Variants in COPS7B observed in about 807,000 individuals in gnomAD.
The protein encoded by COPS7B is COP9 signalosome subunit 7B, also known as COP9 signalosome complex subunit 7b.
In COPS7B, 9 loss-of-function variants were observed where a neutral mutation model predicts 33.4. That is an observed-to-expected ratio of 0.27 (90% CI 0.16 to 0.47). The LOEUF (loss-of-function observed/expected upper bound fraction) is 0.47, where lower values mean the gene tolerates loss of function less well. Ranked by LOEUF, COPS7B falls within the 20% of genes least tolerant of loss-of-function variation. The pLI is 0.99. For missense variants in COPS7B, 242 were observed against 318.2 expected (o/e 0.76, Z 1.82); for synonymous variants, 119 against 126.3 (o/e 0.94, Z 0.39).
At chr2:231,796,456 A>G (rs992200730) in intron 5 of COPS7B, 148 bp downstream of exon 5, 2 of 656,640 alleles carry the variant, frequency 3.0e-6, no homozygotes, top group Non-Finnish European at 5.3e-6. Flanking sequence ...GTGGAGCTAC[A>G]TTTGTGATCA....
chr2:231,803,514 A>T (rs1005007252), intron 6 of COPS7B, among the ~76,000 whole-genome samples: 1 of 152,200 alleles, frequency 6.6e-6, no homozygotes, highest in Non-Finnish European at 1.5e-5. Context: ...CCCCTAAAAA[A>T]GCTGAATGAG....
At chr2:231,795,485 AC>A (rs1319700162) in intron 4 of COPS7B, among the ~76,000 whole-genome samples, 5 of 152,232 alleles carry the variant, frequency 3.3e-5, no homozygotes, top group Admixed American at 3.3e-4. Context: ...TGAGGACCTG[AC>A]CTTTTTTCTT....
At chr2:231,798,437 A>G (rs781572124) in intron 5 of COPS7B, among the ~76,000 whole-genome samples, 63 of 151,540 alleles carry the variant, frequency 4.2e-4, no homozygotes, top group Non-Finnish European at 7.5e-4. Context: ...TTGTATTTTT[A>G]GTAGAGATGG....
intron 6 of COPS7B, chr2:231,801,239 A>G: frequency 1.3e-6 from 2 of 1,550,264 alleles, no homozygotes; most frequent in Non-Finnish European, 1.7e-6. Context: ...CCTCCTTCTT[A>G]ATGAAGTCAG....
chr2:231,807,505 A>G lies in COPS7B; in HGVS notation c.655A>G (p.Thr219Ala), dbSNP rs1437541278. 3.7e-6 allele frequency: 6 copies of G among 1,612,698 alleles called. No individual in the cohort carries two copies. The highest frequency in any genetic ancestry group is 1.7e-4 in the Middle Eastern group (1 of 6,050). The change falls in exon 7 of 7, where the codon ACA becomes GCA. Residue 219 changes from threonine to alanine, a missense_variant. Physicochemically the swap from Thr to Ala is moderately conservative, Grantham distance 58 (BLOSUM62 0). Coordinates refer to ENST00000350033, the MANE Select transcript of COPS7B (RefSeq NM_022730.4). ...CCACCAGGTTACCAACATCAAGAAG[A>G]CACTCAAAGCCACCGCATCCTCCTC... ...VEAEVTNIKKTLKATASSSAQ... is the reference protein window; with the variant it reads ...VEAEVTNIKKALKATASSSAQ...
Position 231,791,819 on chromosome 2 carries a change from G to T in COPS7B, c.238+11G>T. On this transcript the variant is annotated intron_variant, in intron 3 of 6. Coordinates refer to ENST00000350033, the MANE Select transcript of COPS7B (RefSeq NM_022730.4). ...ACCCAGATTACATAGGTGAGTTGGTGAAGATCCTTCAAAAGACTTGTGTTA... is the reference window on the plus strand; with the variant it reads ...ACCCAGATTACATAGGTGAGTTGGTTAAGATCCTTCAAAAGACTTGTGTTA... The T allele has an allele frequency of 6.2e-7, 1 of 1,609,692 alleles. No homozygotes were observed. The highest frequency in any genetic ancestry group is 8.5e-7 in the Non-Finnish European group (1 of 1,175,952).
chr2:231,794,698 C>G (rs1574662984), intron 4 of COPS7B, among the ~76,000 whole-genome samples: 1 of 152,186 alleles, frequency 6.6e-6, no homozygotes, highest in Non-Finnish European at 1.5e-5. Context: ...TTGCTCAGTA[C>G]ACAGTGAACT....
intron 1 of COPS7B, among the ~76,000 whole-genome samples, chr2:231,787,700 T>A (rs2049291708): frequency 6.6e-6 from 1 of 152,230 alleles, no homozygotes; most frequent in Non-Finnish European, 1.5e-5. Context: ...ATATCGCTAC[T>A]TTTCTTTCAA....
chr2:231,803,816 A>G (rs866134158), intron 6 of COPS7B, among the ~76,000 whole-genome samples: 26 of 152,304 alleles, frequency 1.7e-4, no homozygotes, highest in Middle Eastern at 3.4e-3. Context: ...TCTGTGAAGG[A>G]GAAGCATTGG....
At position 231,805,441 on chromosome 2, in the gene COPS7B, A is replaced by T. The variant is rs1011151355; in HGVS notation, c.637-2046A>T. Among the ~76,000 whole-genome samples the T allele has an allele frequency of 8.1e-4, 96 of 118,290 alleles. 1 individual carries two copies. The highest frequency in any genetic ancestry group is 2.4e-3 in the Admixed American group (23 of 9,754). 77.6% of individuals were successfully genotyped at this position (118,290 alleles called of 152,430 possible). Reference sequence around the variant, plus strand: ...TATATATATATATATATTTTTTTTTAAATTTTATATATATATATATATATA... The same window carrying T: ...TATATATATATATATATTTTTTTTTTAATTTTATATATATATATATATATA... On this transcript the variant is annotated intron_variant, in intron 6 of 6. Coordinates refer to ENST00000350033, the MANE Select transcript of COPS7B (RefSeq NM_022730.4).
upstream of COPS7B, among the ~76,000 whole-genome samples, chr2:231,782,137 GCCACAGATCA>G (rs1331479098): frequency 6.6e-6 from 1 of 152,188 alleles, no homozygotes; most frequent in Non-Finnish European, 1.5e-5. Flanking sequence ...GAAGGGATTG[GCCACAGATCA>G]CAGCAAGTTC....
In COPS7B at chr2:231,799,116, A is replaced by T. The variant is rs961238720; in HGVS notation, c.636+152A>T. On this transcript the variant is annotated intron_variant, in intron 6 of 6. Transcript: ENST00000350033. ...GGCTAGGTGCTGGGTTACAGGGATG[A>T]GTGTGACACGGCTCCTGCTCTTGGT... The T allele has an allele frequency of 4.6e-6, 3 of 655,762 alleles. No homozygotes were observed. The African/African-American group carries it at 5.4e-5, about 12-fold the overall frequency. The allele number at this position is 655,762 out of a possible 1,614,324, so 40.6% of individuals were successfully genotyped here.
intron 5 of COPS7B, among the ~76,000 whole-genome samples, chr2:231,797,897 G>A (rs1465335849): frequency 6.6e-6 from 1 of 152,156 alleles, no homozygotes; most frequent in Non-Finnish European, 1.5e-5. Flanking sequence ...TTTTTTGTTT[G>A]TTGTTTTTTG....
intron 4 of COPS7B, among the ~76,000 whole-genome samples, chr2:231,794,830 A>ACTGCAACCT (rs1478683621): frequency 6.6e-6 from 1 of 151,938 alleles, no homozygotes; most frequent in Non-Finnish European, 1.5e-5. Context: ...ATCTCAGCTC[A>ACTGCAACCT]CTGCAACCTC....
chr2:231,793,797 G>A (rs2049487748), intron 3 of COPS7B: 1 of 153,050 alleles, frequency 6.5e-6, no homozygotes, highest in Non-Finnish European at 1.5e-5. Context: ...GGAAACATCT[G>A]ATTGTAAGAC....
intron 6 of COPS7B, chr2:231,801,239 A>C (rs749940688): frequency 3.7e-5 from 58 of 1,550,146 alleles, no homozygotes; most frequent in Non-Finnish European, 4.9e-5. Flanking sequence ...CCTCCTTCTT[A>C]ATGAAGTCAG....
At chr2:231,796,720 G>A (rs1359630215) in intron 5 of COPS7B, among the ~76,000 whole-genome samples, 1 of 152,124 alleles carries the variant, frequency 6.6e-6, no homozygotes, top group Non-Finnish European at 1.5e-5. Context: ...TTCTATCCCT[G>A]TTGAAGTTAA....
chr2:231,804,808 A>G (rs2049845692), intron 6 of COPS7B, among the ~76,000 whole-genome samples: 1 of 152,220 alleles, frequency 6.6e-6, no homozygotes, highest in Non-Finnish European at 1.5e-5. Context: ...GGGAGACTTT[A>G]AAACACATTC....
upstream of COPS7B, chr2:231,786,000 G>T (rs1030192716): frequency 6.6e-6 from 1 of 152,156 alleles, no homozygotes; most frequent in Non-Finnish European, 1.5e-5. Flanking sequence ...CCTGAAAAAT[G>T]GGAACAATAA....
Sources: allele counts gnomAD v4.1 joint callset (sites outside exome capture counted in the v4.1 genomes callset), GRCh38; gene constraint gnomAD v4.1.1; transcripts MANE v1.5; gene names NCBI Gene and HGNC (gene_info 2026-07-23, HGNC 2026-07-21).